ERC1: variants seen among roughly 807,000 people sequenced by gnomAD.
ERC1 encodes the protein ELKS/RAB6-interacting/CAST family member 1.
ERC1 carries 56 observed loss-of-function variants against 132.0 expected under a neutral mutation model. That is an observed-to-expected ratio of 0.42 (90% CI 0.34 to 0.53). ERC1 has a LOEUF of 0.53. Ranked by LOEUF, ERC1 falls within the 20% of genes least tolerant of loss-of-function variation. The pLI is 0.03. For synonymous variants in ERC1, 478 were observed against 476.1 expected (o/e 1.00, Z -0.05); for missense variants, 1,202 against 1,349.9 (o/e 0.89, Z 1.72).
chr12:1,064,885 A>G (rs1360335029), intron 2 of ERC1, among the ~76,000 whole-genome samples: 4 of 152,170 alleles, frequency 2.6e-5, no homozygotes, highest in Non-Finnish European at 5.9e-5. Context: ...GCCATTTACC[A>G]TCTCTTCTGA....
At chr12:1,197,377 C>T (rs1185301143) in intron 12 of ERC1, among the ~76,000 whole-genome samples, 4 of 152,122 alleles carry the variant, frequency 2.6e-5, no homozygotes, top group African/African-American at 7.2e-5. Context: ...GTGTCTGTCT[C>T]TCCTTCCTGA....
At chr12:1,218,516 A>T (rs781220971) in intron 12 of ERC1, among the ~76,000 whole-genome samples, 3 of 151,894 alleles carry the variant, frequency 2.0e-5, no homozygotes, top group Non-Finnish European at 2.9e-5. Flanking sequence ...GCCTTTCCTT[A>T]CCTTTCTTCA....
chr12:1,120,865 C>A (rs1396157602), intron 7 of ERC1, among the ~76,000 whole-genome samples: 1 of 152,102 alleles, frequency 6.6e-6, no homozygotes, highest in Non-Finnish European at 1.5e-5. Flanking sequence ...TGCCCTTGCT[C>A]TAGGATGTTT....
chr12:1,107,887 G>T (rs571324295), intron 4 of ERC1, among the ~76,000 whole-genome samples: 4 of 152,296 alleles, frequency 2.6e-5, no homozygotes, highest in African/African-American at 9.6e-5. Flanking sequence ...TTGAGAATTT[G>T]GGGAATTTGA....
intron 18 of ERC1, among the ~76,000 whole-genome samples, chr12:1,449,100 C>T (rs2093368859): frequency 6.6e-6 from 1 of 152,200 alleles, no homozygotes; most frequent in African/African-American, 2.4e-5. Context: ...CCTGTAGTCT[C>T]TTCGTTTTGG....
At chr12:993,212 T>G (rs1219742044) in intron 1 of ERC1, among the ~76,000 whole-genome samples, 1 of 152,342 alleles carries the variant, frequency 6.6e-6, no homozygotes, top group Non-Finnish European at 1.5e-5. Context: ...GACTTTGGAT[T>G]AGTTAGAAGG....
At chr12:1,062,190 A>G (rs190370865) in intron 2 of ERC1, among the ~76,000 whole-genome samples, 1 of 151,914 alleles carries the variant, frequency 6.6e-6, no homozygotes, top group Non-Finnish European at 1.5e-5. Flanking sequence ...TCACCGTGTT[A>G]GCCAGGATGG....
rs867082755 is a variant in ERC1 at position 1,093,203 on chromosome 12, C to T, written c.1086+9623C>T. Among the ~76,000 whole-genome samples, 8 of 152,136 alleles carry T rather than the reference C, an allele frequency of 5.3e-5. 1 individual carries two copies. Among genetic ancestry groups the T allele is most frequent in the African/African-American group, 1.7e-4 (7 of 41,424 alleles). On this transcript the variant is annotated intron_variant, in intron 3 of 18. Transcript: ENST00000360905. Reference sequence around the variant, plus strand: ...AGCTGGCAGGTAAATAATTCTCCCCCCCAAAAGCCGAGAGGTAAAAAGTAA... The same window carrying T: ...AGCTGGCAGGTAAATAATTCTCCCCTCCAAAAGCCGAGAGGTAAAAAGTAA...
At chr12:1,154,173 CT>C (rs957822151) in intron 8 of ERC1, among the ~76,000 whole-genome samples, 6 of 148,764 alleles carry the variant, frequency 4.0e-5, no homozygotes, top group Non-Finnish European at 8.9e-5. Context: ...TGATTTCATT[CT>C]TTTTTTCATG....
intron 7 of ERC1, among the ~76,000 whole-genome samples, chr12:1,120,565 C>G (rs983555670): frequency 6.6e-6 from 1 of 152,098 alleles, no homozygotes; most frequent in Non-Finnish European, 1.5e-5. Context: ...AATTAAAGTT[C>G]TTTTCTTGTT....
chr12:1,264,581 G>A (rs1004036245), intron 14 of ERC1, among the ~76,000 whole-genome samples: 2 of 151,912 alleles, frequency 1.3e-5, no homozygotes, highest in Non-Finnish European at 2.9e-5. Context: ...GGAGAATGGC[G>A]TGAACCTGGG....
intron 9 of ERC1, among the ~76,000 whole-genome samples, chr12:1,181,708 G>A (rs779304179): frequency 2.0e-5 from 3 of 151,394 alleles, no homozygotes; most frequent in African/African-American, 7.3e-5. Flanking sequence ...GCTTGAACCC[G>A]AGAGGCAGAG....
intron 15 of ERC1, among the ~76,000 whole-genome samples, chr12:1,333,330 ATT>A (rs36055111): frequency 0.23 from 25,080 of 109,094 alleles, 1,804 homozygotes; most frequent in Middle Eastern, 0.3. Flanking sequence ...TATGTACCGC[ATT>A]TTTTTTTTTT....
intron 15 of ERC1, among the ~76,000 whole-genome samples, chr12:1,347,668 G>T (rs1206177957): frequency 6.6e-6 from 1 of 152,010 alleles, no homozygotes; most frequent in Non-Finnish European, 1.5e-5. Flanking sequence ...TTGCTCCCAG[G>T]TTAAGAATTC....
At chr12:1,304,647 A>G (rs546042682) in intron 15 of ERC1, among the ~76,000 whole-genome samples, 6 of 152,260 alleles carry the variant, frequency 3.9e-5, no homozygotes, top group Admixed American at 3.9e-4. Flanking sequence ...GAGAAAGAAT[A>G]TTGGTTGATC....
chr12:1,215,881 C>T (rs530731392), intron 12 of ERC1, among the ~76,000 whole-genome samples: 3 of 146,058 alleles, frequency 2.1e-5, no homozygotes, highest in South Asian at 2.1e-4. Context: ...GATTTTATTA[C>T]GTAATTAGTG....
At chr12:1,402,506 G>A (rs2091152718) in intron 16 of ERC1, among the ~76,000 whole-genome samples, 1 of 151,734 alleles carries the variant, frequency 6.6e-6, no homozygotes, top group South Asian at 2.1e-4. Context: ...CTGGGTGACA[G>A]AGAGAGAGAC....
chr12:1,041,713 G>A (rs1251636125), intron 2 of ERC1, among the ~76,000 whole-genome samples: 1 of 152,220 alleles, frequency 6.6e-6, no homozygotes, highest in Non-Finnish European at 1.5e-5. Context: ...TTGGTCAAGG[G>A]TTAGGAAGTT....
At chr12:1,292,844 C>T (rs1487155098) in intron 15 of ERC1, among the ~76,000 whole-genome samples, 1 of 151,776 alleles carries the variant, frequency 6.6e-6, no homozygotes, top group Non-Finnish European at 1.5e-5. Flanking sequence ...AACCCCGTCT[C>T]TACTGAAAAT....
Sources: allele counts gnomAD v4.1 joint callset (sites outside exome capture counted in the v4.1 genomes callset), GRCh38; gene constraint gnomAD v4.1.1; transcripts MANE v1.5; gene names NCBI Gene and HGNC (gene_info 2026-07-23, HGNC 2026-07-21).